Variants in NAA40 observed in about 807,000 individuals in gnomAD.
NAA40 encodes N-alpha-acetyltransferase 40.
Under a neutral mutation model 36.6 loss-of-function variants are expected in NAA40, and 26 were observed. The observed-to-expected ratio is 0.71, with a 90% CI of 0.52 to 0.98. The LOEUF (loss-of-function observed/expected upper bound fraction) is 0.98, where lower values mean the gene tolerates loss of function less well. Among genes scored for constraint, NAA40 ranks in the 50% least tolerant of loss-of-function variants. NAA40 has a pLI of 0.00. For missense variants in NAA40, 237 were observed against 306.5 expected, an observed-to-expected ratio of 0.77 and a Z score of 1.69; for synonymous variants, 129 against 108.4, an observed-to-expected ratio of 1.19 and a Z score of -1.18.
At chr11:63,940,300 A>C (rs888366793) in intron 1 of NAA40, among the ~76,000 whole-genome samples, 50 of 151,972 alleles carry the variant, frequency 3.3e-4, no homozygotes, top group African/African-American at 1.2e-3. Flanking sequence ...TCACCCGCCT[A>C]GGCCTCCCAA....
At chr11:63,949,163 G>A (rs908479525) in intron 3 of NAA40, among the ~76,000 whole-genome samples, 4 of 152,256 alleles carry the variant, frequency 2.6e-5, no homozygotes, top group African/African-American at 9.6e-5. Flanking sequence ...TCTAGCCTGG[G>A]TGACAGCAAG....
rs1251941957 is a variant in NAA40 at position 63,956,345 on chromosome 11, C to T, written c.*1866C>T. 6.6e-6 allele frequency: 1 copy of T among 152,518 alleles called. No homozygotes were observed. The highest frequency in any genetic ancestry group is 2.4e-5 in the African/African-American group (1 of 41,452). 9.4% of individuals were successfully genotyped at this position (152,518 alleles called of 1,614,324 possible). A position where few individuals can be genotyped will look rare whatever the true frequency, so the allele number is the denominator to read the frequency against. On this transcript the variant is annotated 3_prime_UTR_variant, in exon 8 of 8. Transcript: ENST00000377793. ...CCCTGTCTCTGAAAGGACACAGATG[C>T]TAAATATTTATTGTCTTAGATCATG...
chr11:63,948,293 TA>T (rs1942221509), intron 3 of NAA40, among the ~76,000 whole-genome samples: 1 of 152,238 alleles, frequency 6.6e-6, no homozygotes, highest in Admixed American at 6.5e-5. Flanking sequence ...TTTCTGAGTT[TA>T]TGGAGTTTCC....
Position 63,947,005 on chromosome 11 carries a change from T to C in NAA40, c.155+2T>C. ...GTTCAAGAAATATGATAGAAACGGG[T>C]GAGTCACATTGAGCATTACCAACTG... is the stretch of plus-strand genomic sequence containing the variant. On this transcript the variant is annotated splice_donor_variant, in intron 3 of 7. Transcript: ENST00000377793. LOFTEE classifies it high-confidence loss of function. The C allele has an allele frequency of 6.2e-7, 1 of 1,613,682 alleles. No homozygotes were observed.
chr11:63,956,413 C>T lies in NAA40; in HGVS notation c.*1934C>T, dbSNP rs58341870. 12,697 of 152,382 alleles carry T rather than the reference C, an allele frequency of 0.083. 892 individuals carry two copies. The highest frequency in any genetic ancestry group is 0.19 in the African/African-American group (8,010 of 41,512). The allele number at this position is 152,382 out of a possible 1,614,324, so 9.4% of individuals were successfully genotyped here. A position where few individuals can be genotyped will look rare whatever the true frequency, so the allele number is the denominator to read the frequency against. On this transcript the variant is annotated 3_prime_UTR_variant, in exon 8 of 8. Transcript: ENST00000377793. ...ACTCAAGGGGACCAAAAGGGACCCCCCCGTGTTCATCCCTTGTAAGGTGAG... is the reference window on the plus strand; with the variant it reads ...ACTCAAGGGGACCAAAAGGGACCCCTCCGTGTTCATCCCTTGTAAGGTGAG...
intron 4 of NAA40, 35 bp downstream of exon 4, chr11:63,952,368 C>G: frequency 1.9e-6 from 3 of 1,613,260 alleles, no homozygotes; most frequent in Non-Finnish European, 2.5e-6. Flanking sequence ...CCTAGTTCCT[C>G]TCGCAGCTTT....
rs1166975332 is a variant in NAA40, at chr11:63,949,450, G to A, written c.155+2447G>A. On this transcript the variant is annotated intron_variant, in intron 3 of 7. Coordinates refer to ENST00000377793, the MANE Select transcript of NAA40 (RefSeq NM_024771.4). ...TAGGTAAATTTTCAACCCTCACCCTGTTTGCTGTTACTATTACTGATCCAG... is the reference window on the plus strand; with the variant it reads ...TAGGTAAATTTTCAACCCTCACCCTATTTGCTGTTACTATTACTGATCCAG... Among the ~76,000 whole-genome samples the A allele has an allele frequency of 6.6e-5, 10 of 152,024 alleles. No individual in the cohort carries two copies. The East Asian group carries it at 1.9e-3, about 29-fold the overall frequency.
intron 6 of NAA40, 56 bp downstream of exon 6, chr11:63,952,895 CT>C (rs1942304255): frequency 2.0e-6 from 3 of 1,473,406 alleles, no homozygotes; most frequent in Non-Finnish European, 2.8e-6. Flanking sequence ...GGAGCTGTCA[CT>C]GAGGCACTTG....
intron 7 of NAA40, 63 bp downstream of exon 7, chr11:63,954,112 G>C: frequency 6.5e-7 from 1 of 1,546,316 alleles, no homozygotes; most frequent in Admixed American, 1.7e-5. Context: ...CATTTTTCTG[G>C]TCCTGGCCCT....
chr11:63,947,034 T>A (rs769680130), intron 3 of NAA40, 31 bp downstream of exon 3: 40 of 1,593,368 alleles, frequency 2.5e-5, no homozygotes, highest in Non-Finnish European at 3.2e-5. Context: ...CCAACTGCTG[T>A]CTCCTCGAGT....
intron 6 of NAA40, among the ~76,000 whole-genome samples, chr11:63,953,563 G>A (rs947695558): frequency 6.6e-6 from 1 of 152,210 alleles, no homozygotes; most frequent in Non-Finnish European, 1.5e-5. Flanking sequence ...ACACTCGTGT[G>A]GGTGAAAGGG....
intron 3 of NAA40, among the ~76,000 whole-genome samples, chr11:63,947,275 C>T (rs1410150243): frequency 6.6e-6 from 1 of 151,982 alleles, no homozygotes; most frequent in Admixed American, 6.6e-5. Flanking sequence ...GGCACGGTGG[C>T]GATCGCCTGT....
intron 1 of NAA40, among the ~76,000 whole-genome samples, chr11:63,944,435 A>G (rs1001175006): frequency 3.9e-5 from 6 of 152,188 alleles, no homozygotes; most frequent in Admixed American, 3.9e-4. Flanking sequence ...TGGGTGGTGC[A>G]TGCAGTCTGC....
Position 63,939,084 on chromosome 11 carries a change from T to C in NAA40, c.-13T>C. The C allele has an allele frequency of 1.2e-6, 2 of 1,604,656 alleles. No homozygotes were observed. The highest frequency in any genetic ancestry group is 1.7e-6 in the Non-Finnish European group (2 of 1,175,958). On this transcript the variant is annotated 5_prime_UTR_variant, in exon 1 of 8. Coordinates refer to ENST00000377793, the MANE Select transcript of NAA40 (RefSeq NM_024771.4). ...AGTGTGTGAAGAAGAAGCTGAGCGT[T>C]GTCGCCGCCGCTATGGGGGTGAGTG...
intron 6 of NAA40, among the ~76,000 whole-genome samples, chr11:63,953,355 T>C (rs929480791): frequency 6.6e-5 from 10 of 152,130 alleles, no homozygotes; most frequent in African/African-American, 2.2e-4. Context: ...AGTGAGCATC[T>C]TTTGAGTTTC....
chr11:63,954,652 C>G lies in NAA40; in HGVS notation c.*173C>G. 1 of 587,956 alleles carries G rather than the reference C, an allele frequency of 1.7e-6. No homozygotes were observed. Among genetic ancestry groups the G allele is most frequent in the Non-Finnish European group, 2.7e-6 (1 of 372,470 alleles). The allele number at this position is 587,956 out of a possible 1,614,324, so 36.4% of individuals were successfully genotyped here. A position where few individuals can be genotyped will look rare whatever the true frequency, so the allele number is the denominator to read the frequency against. On this transcript the variant is annotated 3_prime_UTR_variant, in exon 8 of 8. Coordinates refer to ENST00000377793, the MANE Select transcript of NAA40 (RefSeq NM_024771.4). Reference sequence around the variant, plus strand: ...AGAAGTGGTATCAGCTGCTCCTCCTCTCCTAGGAGACCAGAGTGCTAGAAG... The same window carrying G: ...AGAAGTGGTATCAGCTGCTCCTCCTGTCCTAGGAGACCAGAGTGCTAGAAG...
intron 1 of NAA40, among the ~76,000 whole-genome samples, chr11:63,945,410 A>G (rs1942170413): frequency 6.6e-6 from 1 of 152,136 alleles, no homozygotes. Flanking sequence ...GCTTTGAATA[A>G]ACTTAGGAAC....
intron 6 of NAA40, among the ~76,000 whole-genome samples, chr11:63,953,136 C>T (rs943504742): frequency 5.9e-5 from 9 of 151,382 alleles, no homozygotes; most frequent in African/African-American, 2.2e-4. Flanking sequence ...GCAGCCTCCA[C>T]GTACCGGGTT....
intron 1 of NAA40, among the ~76,000 whole-genome samples, chr11:63,941,372 G>C (rs1196506855): frequency 6.6e-6 from 1 of 152,138 alleles, no homozygotes; most frequent in African/African-American, 2.4e-5. Flanking sequence ...TGTCCTAGTT[G>C]CCACATTTGT....
Sources: allele counts gnomAD v4.1 joint callset (sites outside exome capture counted in the v4.1 genomes callset), GRCh38; gene constraint gnomAD v4.1.1; transcripts MANE v1.5; gene names NCBI Gene and HGNC (gene_info 2026-07-23, HGNC 2026-07-21).